Variants in WFDC1 observed in about 807,000 individuals in gnomAD.
The protein encoded by WFDC1 is WAP four-disulfide core domain protein 1.
Under a neutral mutation model 32.9 loss-of-function variants are expected in WFDC1, and 39 were observed. The observed-to-expected ratio is 1.19, with a 90% CI of 0.92 to 1.55. The LOEUF (loss-of-function observed/expected upper bound fraction) is 1.55. Ranked by LOEUF, WFDC1 falls within the 40% of genes most tolerant of loss-of-function variation. The probability of loss-of-function intolerance (pLI) is 0.00; values close to 1 mark genes in which losing one functional copy is unlikely to be tolerated. For missense variants in WFDC1, 386 were observed against 309.5 expected (o/e 1.25, Z -1.85); for synonymous variants, 184 against 137.4 (o/e 1.34, Z -2.37).
chr16:84,298,724 G>C (rs896354626), intron 1 of WFDC1, among the ~76,000 whole-genome samples: 1 of 152,196 alleles, frequency 6.6e-6, no homozygotes, highest in African/African-American at 2.4e-5. Flanking sequence ...TAGCGGACTG[G>C]TCTCTTAGAG....
chr16:84,306,055 T>C (rs1183749742), intron 1 of WFDC1, among the ~76,000 whole-genome samples: 1 of 149,334 alleles, frequency 6.7e-6, no homozygotes, highest in Non-Finnish European at 1.5e-5. Flanking sequence ...ATAAAAGGAA[T>C]AAAAATCAGG....
rs1907727911 is a variant in WFDC1 at position 84,312,988 on chromosome 16, C to A, written c.172C>A (p.Pro58Thr). The change falls in exon 2 of 7, where the codon CCC (proline) becomes ACC (threonine). Residue 58 changes from proline to threonine, a missense_variant. Coordinates refer to ENST00000219454, the MANE Select transcript of WFDC1 (RefSeq NM_021197.4). ...RAEEAGAPGG[P>T]RQPRADRCPP... Reference sequence around the variant, plus strand: ...CGAGGAGGCGGGCGCGCCCGGCGGCCCCCGGCAGCCCCGAGCAGACCGCTG... The same window carrying A: ...CGAGGAGGCGGGCGCGCCCGGCGGCACCCGGCAGCCCCGAGCAGACCGCTG... 3 of 1,191,118 alleles carry A rather than the reference C, an allele frequency of 2.5e-6. No homozygotes were observed. The African/African-American group carries it at 4.8e-5, about 19-fold the overall frequency. The allele number at this position is 1,191,118 out of a possible 1,614,324, so 73.8% of individuals were successfully genotyped here.
At chr16:84,299,422 A>G (rs557733547) in intron 1 of WFDC1, among the ~76,000 whole-genome samples, 1 of 152,270 alleles carries the variant, frequency 6.6e-6, no homozygotes, top group African/African-American at 2.4e-5. Context: ...TCCAGAACCA[A>G]ATATTTATGA....
intron 3 of WFDC1, chr16:84,318,692 G>A (rs575254517): frequency 2.5e-5 from 6 of 235,302 alleles, no homozygotes; most frequent in South Asian, 1.3e-4. Context: ...AAGCCTCCCT[G>A]GGGGTGGGGG....
chr16:84,301,667 C>T (rs543534634), intron 1 of WFDC1, among the ~76,000 whole-genome samples: 2 of 152,204 alleles, frequency 1.3e-5, no homozygotes, highest in African/African-American at 4.8e-5. Context: ...GGGGATATGT[C>T]GTACTGATGT....
intron 1 of WFDC1, among the ~76,000 whole-genome samples, chr16:84,303,177 T>G (rs1405484003): frequency 6.6e-6 from 1 of 152,064 alleles, no homozygotes; most frequent in Non-Finnish European, 1.5e-5. Flanking sequence ...GAGCGACATA[T>G]TTTTAGATGT....
intron 1 of WFDC1, among the ~76,000 whole-genome samples, chr16:84,307,680 A>C (rs1430210537): frequency 6.6e-6 from 1 of 152,206 alleles, no homozygotes; most frequent in Non-Finnish European, 1.5e-5. Context: ...ATCGAAAAAT[A>C]AGCTGGGCGG....
chr16:84,304,354 G>T (rs535027112), intron 1 of WFDC1, among the ~76,000 whole-genome samples: 1 of 152,010 alleles, frequency 6.6e-6, no homozygotes, highest in East Asian at 1.9e-4. Context: ...TCAGCCTCCT[G>T]AATAGCTGGG....
chr16:84,324,720 T>C (rs566294028), intron 5 of WFDC1, among the ~76,000 whole-genome samples: 2 of 152,268 alleles, frequency 1.3e-5, no homozygotes, highest in African/African-American at 4.8e-5. Context: ...GCTACTTTCA[T>C]TCAGAGAATT....
chr16:84,323,851 C>T (rs1340211926), intron 4 of WFDC1, among the ~76,000 whole-genome samples: 3 of 152,298 alleles, frequency 2.0e-5, no homozygotes, highest in Non-Finnish European at 4.4e-5. Flanking sequence ...CCGGGCATGG[C>T]GGCTCACGCC....
chr16:84,324,531 A>C, intron 5 of WFDC1, 71 bp downstream of exon 5: 1 of 1,541,138 alleles, frequency 6.5e-7, no homozygotes, highest in Non-Finnish European at 8.8e-7. Context: ...TTATGTGAAG[A>C]AAAAAATAAA....
chr16:84,324,507 GCAGTGAAAGTTT>G, intron 5 of WFDC1, 47 bp downstream of exon 5: 1 of 1,597,022 alleles, frequency 6.3e-7, no homozygotes, highest in African/African-American at 1.4e-5. Flanking sequence ...CAAAAAAAAG[GCAGTGAAAGTTT>G]CTTATGTGAA....
rs1906495302 is a variant in WFDC1, at chr16:84,294,965, G to A, written c.-7G>A. 6.2e-6 allele frequency: 10 copies of A among 1,610,660 alleles called. No homozygotes were observed. The highest frequency in any genetic ancestry group is 2.2e-5 in the East Asian group (1 of 44,840). ...GTGCGTCTGGAAGGTCGCTGCCCAG[G>A]GAGGAAATGCCTTTAACCGGCGTGG... On this transcript the variant is annotated 5_prime_UTR_variant, in exon 1 of 7. Transcript: ENST00000219454.
intron 1 of WFDC1, among the ~76,000 whole-genome samples, chr16:84,312,121 C>T (rs1025458302): frequency 3.3e-5 from 5 of 152,202 alleles, no homozygotes; most frequent in East Asian, 1.9e-4. Context: ...GCTGAGATCG[C>T]GCCACTGCAT....
chr16:84,307,298 C>T (rs544532204), intron 1 of WFDC1, among the ~76,000 whole-genome samples: 34 of 152,294 alleles, frequency 2.2e-4, no homozygotes, highest in African/African-American at 7.7e-4. Context: ...AGAAAACGCC[C>T]TGTGTTTAGA....
intron 1 of WFDC1, among the ~76,000 whole-genome samples, chr16:84,298,975 T>G (rs1000477958): frequency 2.0e-5 from 3 of 152,250 alleles, no homozygotes; most frequent in African/African-American, 7.2e-5. Flanking sequence ...TTTGCAGGGC[T>G]CAGTAAAAAG....
Position 84,319,698 on chromosome 16 carries a change from T to A in WFDC1, c.562+127T>A, listed in dbSNP as rs929425827. On this transcript the variant is annotated intron_variant, in intron 4 of 6. Transcript: ENST00000219454. ...CCAGCACCTGGGCCTGACTGAGAGCTCCTCACATCTTCCCCCTGCCCGGCT... is the reference window on the plus strand; with the variant it reads ...CCAGCACCTGGGCCTGACTGAGAGCACCTCACATCTTCCCCCTGCCCGGCT... The A allele has an allele frequency of 3.2e-6, 4 of 1,231,068 alleles. No individual in the cohort carries two copies. The African/African-American group carries it at 6.1e-5, about 19-fold the overall frequency. The allele number at this position is 1,231,068 out of a possible 1,614,324, so 76.3% of individuals were successfully genotyped here.
At chr16:84,308,916 C>A (rs1416726925) in intron 1 of WFDC1, among the ~76,000 whole-genome samples, 1 of 151,838 alleles carries the variant, frequency 6.6e-6, no homozygotes, top group Non-Finnish European at 1.5e-5. Flanking sequence ...CCAGCCTGGG[C>A]ATAGATGCCA....
At chr16:84,306,193 G>A (rs112125432) in intron 1 of WFDC1, among the ~76,000 whole-genome samples, 6 of 152,122 alleles carry the variant, frequency 3.9e-5, no homozygotes, top group South Asian at 2.1e-4. Context: ...GCTCAGATAC[G>A]TTAGTGATTT....
Sources: allele counts gnomAD v4.1 joint callset (sites outside exome capture counted in the v4.1 genomes callset), GRCh38; gene constraint gnomAD v4.1.1; transcripts MANE v1.5; gene names NCBI Gene and HGNC (gene_info 2026-07-23, HGNC 2026-07-21).